The following ASIC2 variants were observed in gnomAD, a reference collection of about 807,000 sequenced individuals.
ASIC2 encodes acid sensing ion channel subunit 2.
In ASIC2, 25 loss-of-function variants were observed where a neutral mutation model predicts 57.3. That is an observed-to-expected ratio of 0.44 (90% CI 0.32 to 0.61). The LOEUF is 0.61. Among genes scored for constraint, ASIC2 ranks in the 20% least tolerant of loss-of-function variants. The pLI, the probability that ASIC2 is intolerant of heterozygous loss-of-function variation, is 0.06. For synonymous variants in ASIC2, 319 were observed against 307.5 expected (o/e 1.04, Z -0.39); for missense variants, 641 against 738.1 (o/e 0.87, Z 1.52).
At chr17:33,691,207 G>A (rs1489508811) in intron 1 of ASIC2, among the ~76,000 whole-genome samples, 1 of 152,096 alleles carries the variant, frequency 6.6e-6, no homozygotes, top group Non-Finnish European at 1.5e-5. Flanking sequence ...ACATCATTTT[G>A]CACATCTGTG....
intron 1 of ASIC2, among the ~76,000 whole-genome samples, chr17:33,471,270 C>T (rs1320304316): frequency 1.3e-5 from 2 of 152,094 alleles, no homozygotes; most frequent in Non-Finnish European, 2.9e-5. Context: ...GAGAAATTAC[C>T]TAGTTGGGAT....
intron 1 of ASIC2, among the ~76,000 whole-genome samples, chr17:33,391,331 G>A (rs971867717): frequency 6.6e-6 from 1 of 152,136 alleles, no homozygotes; most frequent in African/African-American, 2.4e-5. Context: ...AACTTGATCA[G>A]CATTGGTCAT....
intron 1 of ASIC2, among the ~76,000 whole-genome samples, chr17:33,687,989 AT>A (rs1177444991): frequency 6.6e-6 from 1 of 152,186 alleles, no homozygotes; most frequent in East Asian, 1.9e-4. Context: ...GAGATTAATC[AT>A]AGCATTTTTC....
At chr17:34,034,683 T>C (rs914174223) in intron 1 of ASIC2, among the ~76,000 whole-genome samples, 1 of 152,156 alleles carries the variant, frequency 6.6e-6, no homozygotes, top group Non-Finnish European at 1.5e-5. Flanking sequence ...ACAAAATCAA[T>C]GTACAAAAGT....
chr17:33,191,386 G>C (rs1002632863), intron 1 of ASIC2, among the ~76,000 whole-genome samples: 1 of 152,070 alleles, frequency 6.6e-6, no homozygotes, highest in Non-Finnish European at 1.5e-5. Flanking sequence ...GGGGGTAATG[G>C]AATTTTTTTC....
chr17:34,034,918 A>G lies in ASIC2; in HGVS notation c.555+121060T>C, dbSNP rs979748968. On this transcript the variant is annotated intron_variant, in intron 1 of 9. Coordinates refer to the ASIC2 transcript ENST00000359872. ...CTTATGGATAGGAAGAATCAATATCATGAAAATGGCCATACTGCCCAAGGT... is the reference window on the plus strand; with the variant it reads ...CTTATGGATAGGAAGAATCAATATCGTGAAAATGGCCATACTGCCCAAGGT... 2.2e-4 allele frequency among the ~76,000 whole-genome samples: 33 copies of G among 152,242 alleles called. 1 individual carries two copies. Among genetic ancestry groups the G allele is most frequent in the Non-Finnish European group, 3.1e-4 (21 of 68,002 alleles).
chr17:33,312,464 A>G (rs1273685566), intron 1 of ASIC2, among the ~76,000 whole-genome samples: 1 of 152,222 alleles, frequency 6.6e-6, no homozygotes, highest in Non-Finnish European at 1.5e-5. Context: ...ACCCACCCTT[A>G]GAGCCAATAT....
At chr17:34,146,399 G>C (rs1912418355) in intron 1 of ASIC2, among the ~76,000 whole-genome samples, 1 of 152,160 alleles carries the variant, frequency 6.6e-6, no homozygotes, top group Non-Finnish European at 1.5e-5. Context: ...ATCAGAGCCT[G>C]AGATGGCACA....
chr17:33,829,521 A>C (rs1913039634), intron 1 of ASIC2, among the ~76,000 whole-genome samples: 1 of 152,070 alleles, frequency 6.6e-6, no homozygotes. Context: ...GGTTTTTGGG[A>C]AGATAGGAGC....
At chr17:33,896,063 C>T (rs1309473612) in intron 1 of ASIC2, among the ~76,000 whole-genome samples, 1 of 152,062 alleles carries the variant, frequency 6.6e-6, no homozygotes. Flanking sequence ...CAATGTTTTC[C>T]AATGTGAATT....
chr17:33,044,722 A>G (rs2091945305), intron 3 of ASIC2, among the ~76,000 whole-genome samples: 1 of 152,240 alleles, frequency 6.6e-6, no homozygotes, highest in Non-Finnish European at 1.5e-5. Context: ...TGAGGCTATG[A>G]AGATGAATAA....
chr17:33,742,891 G>A (rs1044076694), intron 1 of ASIC2, among the ~76,000 whole-genome samples: 2 of 152,226 alleles, frequency 1.3e-5, no homozygotes, highest in East Asian at 1.9e-4. Flanking sequence ...GGGCCTGGCC[G>A]AGATAAACAT....
At chr17:34,009,234 G>A (rs1906632003) in intron 1 of ASIC2, among the ~76,000 whole-genome samples, 1 of 152,140 alleles carries the variant, frequency 6.6e-6, no homozygotes, top group Non-Finnish European at 1.5e-5. Context: ...GAGAAACTGA[G>A]ATCCAGAGCC....
intron 1 of ASIC2, among the ~76,000 whole-genome samples, chr17:33,604,379 C>G (rs1166512704): frequency 6.6e-6 from 1 of 152,098 alleles, no homozygotes; most frequent in Non-Finnish European, 1.5e-5. Flanking sequence ...AAGTGTCAGC[C>G]TGGTCTAGCT....
chr17:33,602,656 A>G (rs1278975249), intron 1 of ASIC2, among the ~76,000 whole-genome samples: 1 of 152,130 alleles, frequency 6.6e-6, no homozygotes, highest in Non-Finnish European at 1.5e-5. Flanking sequence ...ATCACCCACA[A>G]AAGACCTCTC....
chr17:34,011,088 C>G (rs113799931), intron 1 of ASIC2, among the ~76,000 whole-genome samples: 13 of 682 alleles, frequency 0.019, no homozygotes, highest in South Asian at 0.05. Context: ...GACACATGCA[C>G]ACACACACAC....
chr17:33,593,542 G>A (rs977893691), intron 1 of ASIC2, among the ~76,000 whole-genome samples: 4 of 152,196 alleles, frequency 2.6e-5, no homozygotes, highest in Non-Finnish European at 4.4e-5. Context: ...TCTCAGCTTT[G>A]CCTCTTGGTC....
chr17:33,960,347 A>G (rs1314570755), intron 1 of ASIC2, among the ~76,000 whole-genome samples: 2 of 152,162 alleles, frequency 1.3e-5, no homozygotes, highest in South Asian at 4.1e-4. Context: ...CTTTGCACCA[A>G]TACATTTCCT....
intron 1 of ASIC2, among the ~76,000 whole-genome samples, chr17:33,334,441 G>C (rs1439448414): frequency 6.6e-6 from 1 of 152,128 alleles, no homozygotes; most frequent in Non-Finnish European, 1.5e-5. Context: ...GCGGCTTCAG[G>C]TGTGGGAAGA....
Sources: allele counts gnomAD v4.1 joint callset (sites outside exome capture counted in the v4.1 genomes callset), GRCh38; gene constraint gnomAD v4.1.1; transcripts MANE v1.5; gene names NCBI Gene and HGNC (gene_info 2026-07-23, HGNC 2026-07-21).